The following TRIO variants were observed in gnomAD, a reference collection of about 807,000 sequenced individuals.
TRIO encodes triple functional domain protein.
A neutral mutation model predicts 351.9 loss-of-function variants in TRIO; 58 were observed. The observed-to-expected ratio is 0.16, with a 90% CI of 0.13 to 0.21. The LOEUF is 0.21. Ranked by LOEUF, TRIO falls within the 10% of genes least tolerant of loss-of-function variation. The pLI is 1.00. For missense variants in TRIO, 3,201 were observed against 4,027.8 expected (o/e 0.79, Z 5.56); for synonymous variants, 1,758 against 1,595.7 (o/e 1.10, Z -2.42).
intron 28 of TRIO, among the ~76,000 whole-genome samples, chr5:14,394,470 C>T (rs1747388247): frequency 6.6e-6 from 1 of 152,162 alleles, no homozygotes; most frequent in Admixed American, 6.6e-5. Flanking sequence ...ATGTTAACCT[C>T]CCAACAATGC....
intron 7 of TRIO, among the ~76,000 whole-genome samples, chr5:14,301,273 T>G (rs1317810701): frequency 1.3e-5 from 2 of 152,084 alleles, no homozygotes; most frequent in African/African-American, 4.8e-5. Flanking sequence ...CAACACTTTC[T>G]TAATACGACC....
rs754086766 is a variant in TRIO, at chr5:14,472,584, C to T, written c.5913-8C>T. Reference sequence around the variant, plus strand: ...GTTTGCATGATAAACAATATTTTTTCTCTCCAGCTACGTTTTGCAAGAACT... The same window carrying T: ...GTTTGCATGATAAACAATATTTTTTTTCTCCAGCTACGTTTTGCAAGAACT... On this transcript the variant is annotated splice_region_variant and splice_polypyrimidine_tract_variant and intron_variant, in intron 38 of 56. Coordinates refer to ENST00000344204, the MANE Select transcript of TRIO (RefSeq NM_007118.4). The T allele has an allele frequency of 3.1e-5, 50 of 1,613,560 alleles. No homozygotes were observed. Among genetic ancestry groups the T allele is most frequent in the East Asian group, 6.7e-5 (3 of 44,866 alleles).
chr5:14,504,316 C>G, intron 54 of TRIO, 77 bp from the exon 55 acceptor site: 1 of 1,516,590 alleles, frequency 6.6e-7, no homozygotes, highest in South Asian at 1.2e-5. Flanking sequence ...ACAGCCAGTC[C>G]ATTTAGGATA....
At chr5:14,478,620 G>A (rs1451052238) in intron 41 of TRIO, among the ~76,000 whole-genome samples, 1 of 151,970 alleles carries the variant, frequency 6.6e-6, no homozygotes, top group African/African-American at 2.4e-5. Context: ...CTGTTGGCAG[G>A]GTTTGGAGTG....
chr5:14,356,385 C>A (rs1460930493), intron 11 of TRIO, among the ~76,000 whole-genome samples: 2 of 152,102 alleles, frequency 1.3e-5, no homozygotes, highest in East Asian at 1.9e-4. Flanking sequence ...CTTGGATTTG[C>A]CATCATTAGT....
chr5:14,216,491 T>C lies in TRIO; in HGVS notation c.158-54334T>C, dbSNP rs992419014. Reference sequence around the variant, plus strand: ...TTGGATTGTTGGAGTTGGTGTTGCATGTCCAATCATTCCAAAAGAGCTGAA... The same window carrying C: ...TTGGATTGTTGGAGTTGGTGTTGCACGTCCAATCATTCCAAAAGAGCTGAA... On this transcript the variant is annotated intron_variant, in intron 1 of 56. Coordinates refer to ENST00000344204, the MANE Select transcript of TRIO (RefSeq NM_007118.4). Among the ~76,000 whole-genome samples, 3 of 152,248 alleles carry C rather than the reference T, an allele frequency of 2.0e-5. No homozygotes were observed. In the South Asian group the frequency reaches 6.2e-4, roughly 31 times the overall value.
At position 14,471,486 on chromosome 5, in the gene TRIO, A is replaced by G. The variant is rs1407900237; in HGVS notation, c.5912+20A>G. 3.7e-6 allele frequency: 6 copies of G among 1,613,294 alleles called. No homozygotes were observed. The African/African-American group carries it at 5.3e-5, about 14-fold the overall frequency. On this transcript the variant is annotated intron_variant, in intron 38 of 56. Transcript: ENST00000344204. ...AAGACAGTAAGACAGAAATGTTTTCATTCTTATTGTTCTCTGGGTTCCGTC... is the reference window on the plus strand; with the variant it reads ...AAGACAGTAAGACAGAAATGTTTTCGTTCTTATTGTTCTCTGGGTTCCGTC...
intron 48 of TRIO, chr5:14,488,934 A>G (rs2126644463): frequency 2.6e-6 from 2 of 763,512 alleles, no homozygotes; most frequent in Non-Finnish European, 4.8e-6. Context: ...CGTTTGGCCC[A>G]TCACTCATGC....
chr5:14,272,004 G>A (rs1796003288), intron 2 of TRIO, among the ~76,000 whole-genome samples: 1 of 151,544 alleles, frequency 6.6e-6, no homozygotes, highest in Non-Finnish European at 1.5e-5. Flanking sequence ...AAGAGTGTAA[G>A]GAGTTCATGA....
intron 34 of TRIO, among the ~76,000 whole-genome samples, chr5:14,444,515 C>G (rs1752296664): frequency 6.6e-6 from 1 of 152,214 alleles, no homozygotes; most frequent in Admixed American, 6.5e-5. Context: ...TTTGTCCCTG[C>G]TCACCCCTAC....
intron 33 of TRIO, among the ~76,000 whole-genome samples, chr5:14,412,932 AC>A (rs1390580778): frequency 2.6e-5 from 4 of 152,092 alleles, no homozygotes; most frequent in Admixed American, 2.0e-4. Context: ...ACCTCTCTGA[AC>A]CTCAGTTTCC....
At chr5:14,276,121 G>A (rs1314909402) in intron 2 of TRIO, among the ~76,000 whole-genome samples, 2 of 151,238 alleles carry the variant, frequency 1.3e-5, no homozygotes, top group East Asian at 1.9e-4. Context: ...TGGGGATATT[G>A]ACAGGAATGT....
chr5:14,382,246 A>G (rs948904157), intron 21 of TRIO, among the ~76,000 whole-genome samples: 1 of 152,200 alleles, frequency 6.6e-6, no homozygotes, highest in Non-Finnish European at 1.5e-5. Flanking sequence ...GGCTTTGAAA[A>G]CATAACAGGA....
At chr5:14,271,501 G>A (rs895853783) in intron 2 of TRIO, among the ~76,000 whole-genome samples, 19 of 152,154 alleles carry the variant, frequency 1.2e-4, no homozygotes, top group Non-Finnish European at 2.6e-4. Flanking sequence ...TTGGGCTTGG[G>A]GGCACCTAAC....
chr5:14,291,390 T>A (rs1334281365), intron 5 of TRIO, among the ~76,000 whole-genome samples, 162 bp downstream of exon 5: 1 of 152,088 alleles, frequency 6.6e-6, no homozygotes, highest in African/African-American at 2.4e-5. Context: ...GAAATCTGTT[T>A]TCCGGTTTTA....
At chr5:14,215,644 T>C (rs1381093033) in intron 1 of TRIO, among the ~76,000 whole-genome samples, 1 of 152,236 alleles carries the variant, frequency 6.6e-6, no homozygotes, top group Non-Finnish European at 1.5e-5. Flanking sequence ...CAAGATCTAA[T>C]GATTCCACGA....
rs1184489222 is a variant in TRIO, at chr5:14,502,628, C to T, written c.8382C>T (p.Ser2794=). The T allele has an allele frequency of 1.2e-6, 2 of 1,614,216 alleles. No homozygotes were observed. The highest frequency in any genetic ancestry group is 1.1e-5 in the South Asian group (1 of 91,076). The change falls in exon 54 of 57, where the codon TCC becomes TCT. Residue 2794 remains serine, a synonymous_variant. Coordinates refer to ENST00000344204, the MANE Select transcript of TRIO (RefSeq NM_007118.4). ...IMVTWKDNFD[S]FYSEVAELGR... ...TGACCTGGAAAGACAACTTTGACTC[C>T]TTCTACAGTGAAGTGGCTGAGCTTG...
At chr5:14,190,274 G>A (rs1474449186) in intron 1 of TRIO, among the ~76,000 whole-genome samples, 2 of 152,158 alleles carry the variant, frequency 1.3e-5, no homozygotes, top group Non-Finnish European at 2.9e-5. Context: ...CCAGCTAGCG[G>A]CACAGCCATT....
chr5:14,237,198 A>C (rs549562649), intron 1 of TRIO, among the ~76,000 whole-genome samples: 1 of 152,206 alleles, frequency 6.6e-6, no homozygotes, highest in Non-Finnish European at 1.5e-5. Context: ...AATATGTGCA[A>C]ATACTCCCTG....
Sources: allele counts gnomAD v4.1 joint callset (sites outside exome capture counted in the v4.1 genomes callset), GRCh38; gene constraint gnomAD v4.1.1; transcripts MANE v1.5; gene names NCBI Gene and HGNC (gene_info 2026-07-23, HGNC 2026-07-21).